ROBO2: variants seen among roughly 807,000 people sequenced by gnomAD.
ROBO2 encodes the protein roundabout homolog 2.
In ROBO2, 53 loss-of-function variants were observed where a neutral mutation model predicts 160.8. The ratio of observed to expected loss-of-function variants is 0.33; its 90% CI spans 0.26 to 0.41. The LOEUF is 0.41. ROBO2 is among the 10% of genes least tolerant of loss of function. The pLI is 1.00. For synonymous variants in ROBO2, 664 were observed against 611.7 expected, an observed-to-expected ratio of 1.09 and a Z score of -1.26; for missense variants, 1,577 against 1,722.4, an observed-to-expected ratio of 0.92 and a Z score of 1.49.
exon 5 of ROBO2, chr3:77,493,318 G>A: frequency 6.8e-6 from 11 of 1,613,956 alleles, no homozygotes; most frequent in Non-Finnish European, 9.3e-6. Context: ...TCGTTGTCAA[G>A]TCCAAGGAGA....
chr3:77,487,592 C>T (rs569230468), intron 4 of ROBO2, among the ~76,000 whole-genome samples: 1 of 152,152 alleles, frequency 6.6e-6, no homozygotes, highest in South Asian at 2.1e-4. Flanking sequence ...CATTCAATGA[C>T]TATCAAACCC....
intron 2 of ROBO2, among the ~76,000 whole-genome samples, chr3:76,197,305 G>T (rs940195730): frequency 2.0e-5 from 3 of 147,822 alleles, no homozygotes; most frequent in African/African-American, 7.7e-5. Flanking sequence ...TCCTTTTGGG[G>T]AATGATAATC....
chr3:76,333,570 T>A (rs35204476), intron 2 of ROBO2, among the ~76,000 whole-genome samples: 103,195 of 152,092 alleles, frequency 0.68, 39,448 homozygotes, highest in Non-Finnish European at 0.86. Context: ...CCTCAATGAT[T>A]GCTATAAAGA....
intron 2 of ROBO2, among the ~76,000 whole-genome samples, chr3:76,999,343 C>A (rs574494338): frequency 6.6e-6 from 1 of 152,032 alleles, no homozygotes; most frequent in South Asian, 2.1e-4. Flanking sequence ...AAAGCGATAA[C>A]CCCCTTGTAG....
intron 2 of ROBO2, among the ~76,000 whole-genome samples, chr3:76,105,055 T>C (rs1035547114): frequency 6.6e-6 from 1 of 152,090 alleles, no homozygotes; most frequent in Non-Finnish European, 1.5e-5. Context: ...AGACCTAGCC[T>C]TTAGGTGGGT....
intron 2 of ROBO2, among the ~76,000 whole-genome samples, chr3:76,760,266 A>G (rs1387289886): frequency 6.6e-6 from 1 of 151,800 alleles, no homozygotes; most frequent in Non-Finnish European, 1.5e-5. Context: ...TACTTAAAAT[A>G]GACTCTTTCC....
intron 2 of ROBO2, among the ~76,000 whole-genome samples, chr3:76,495,764 T>C (rs1484902168): frequency 6.6e-6 from 1 of 152,164 alleles, no homozygotes; most frequent in Non-Finnish European, 1.5e-5. Flanking sequence ...AACTATGTTA[T>C]CAGAATACAA....
intron 2 of ROBO2, among the ~76,000 whole-genome samples, chr3:76,080,253 A>G (rs1421010806): frequency 1.3e-5 from 2 of 152,194 alleles, no homozygotes; most frequent in Non-Finnish European, 2.9e-5. Flanking sequence ...CACCAGAAAA[A>G]TCGGTTCTAT....
intron 2 of ROBO2, among the ~76,000 whole-genome samples, chr3:76,353,208 T>C (rs551005726): frequency 2.0e-5 from 3 of 151,980 alleles, no homozygotes; most frequent in Non-Finnish European, 4.4e-5. Context: ...TGATATGATC[T>C]TTTTAGCCAT....
intron 2 of ROBO2, among the ~76,000 whole-genome samples, chr3:75,987,123 G>T (rs1011388074): frequency 6.6e-6 from 1 of 151,780 alleles, no homozygotes; most frequent in Non-Finnish European, 1.5e-5. Context: ...GTTTTGAAAG[G>T]CATAGTATTT....
chr3:76,184,894 T>C (rs1424750393), intron 2 of ROBO2, among the ~76,000 whole-genome samples: 1 of 151,862 alleles, frequency 6.6e-6, no homozygotes, highest in Admixed American at 6.6e-5. Context: ...TGCCTTTTTT[T>C]CTGTTTTTGT....
intron 2 of ROBO2, among the ~76,000 whole-genome samples, chr3:76,606,989 T>C (rs2087713878): frequency 6.6e-6 from 1 of 152,234 alleles, no homozygotes; most frequent in African/African-American, 2.4e-5. Context: ...TTAAGTATGA[T>C]TACAAGTAAA....
intron 2 of ROBO2, among the ~76,000 whole-genome samples, chr3:76,228,727 C>G (rs556745448): frequency 1.9e-4 from 29 of 152,260 alleles, no homozygotes; most frequent in African/African-American, 6.7e-4. Flanking sequence ...AGTTTACTGA[C>G]TGCCATGAAA....
chr3:77,237,411 T>TTGTGTATGTGTGTG (rs1553862754), intron 2 of ROBO2, among the ~76,000 whole-genome samples: 2 of 131,120 alleles, frequency 1.5e-5, no homozygotes, highest in African/African-American at 5.5e-5. Flanking sequence ...TTGTTTTGTT[T>TTGTGTATGTGTGTG]TGTGTGTGTG....
intron 2 of ROBO2, among the ~76,000 whole-genome samples, chr3:76,360,188 A>G (rs1201158761): frequency 6.6e-6 from 1 of 152,028 alleles, no homozygotes; most frequent in African/African-American, 2.4e-5. Context: ...CATCTGTGTG[A>G]CTATCTAAAT....
intron 2 of ROBO2, among the ~76,000 whole-genome samples, chr3:76,061,572 C>A (rs1042696250): frequency 6.6e-6 from 1 of 152,098 alleles, no homozygotes; most frequent in South Asian, 2.1e-4. Context: ...GTGAAAAAAA[C>A]ATATTTTATC....
Position 77,614,106 on chromosome 3 carries a change from A to C in ROBO2, c.3294-3407A>C, listed in dbSNP as rs540510195. Among the ~76,000 whole-genome samples the C allele has an allele frequency of 2.6e-5, 4 of 152,358 alleles. No individual in the cohort carries two copies. In the South Asian group the frequency reaches 8.3e-4, roughly 32 times the overall value. On this transcript the variant is annotated intron_variant, in intron 21 of 25. Transcript: ENST00000461745. ...TGTCTGAAAAGGTAGATTGCGGCTT[A>C]GACATATTCAATGGATGGAATAAAG... is the stretch of plus-strand genomic sequence containing the variant.
At chr3:77,579,389 T>G (rs2093853512) in intron 15 of ROBO2, among the ~76,000 whole-genome samples, 1 of 152,172 alleles carries the variant, frequency 6.6e-6, no homozygotes, top group African/African-American at 2.4e-5. Flanking sequence ...TAATTTCATT[T>G]TAGTCAATAC....
intron 2 of ROBO2, among the ~76,000 whole-genome samples, chr3:75,938,259 TGTATGGA>T: frequency 6.6e-6 from 1 of 152,048 alleles, no homozygotes; most frequent in South Asian, 2.1e-4. Flanking sequence ...GATCAATAGC[TGTATGGA>T]GTGGTTTGTG....
Sources: allele counts gnomAD v4.1 joint callset (sites outside exome capture counted in the v4.1 genomes callset), GRCh38; gene constraint gnomAD v4.1.1; transcripts MANE v1.5; gene names NCBI Gene and HGNC (gene_info 2026-07-23, HGNC 2026-07-21).